The following SORL1 variants were observed in gnomAD, a reference collection of about 807,000 sequenced individuals.
The protein encoded by SORL1 is sortilin related receptor 1.
SORL1 carries 127 observed loss-of-function variants against 273.7 expected under a neutral mutation model. The ratio of observed to expected loss-of-function variants is 0.46; its 90% confidence interval spans 0.40 to 0.54. The LOEUF (loss-of-function observed/expected upper bound fraction) is 0.54. Among genes scored for constraint, SORL1 ranks in the 20% least tolerant of loss-of-function variants. The probability of loss-of-function intolerance (pLI) is 0.00; values close to 1 mark genes in which losing one functional copy is unlikely to be tolerated. For missense variants in SORL1, 2,494 were observed against 2,846.1 expected (o/e 0.88, Z 2.81); for synonymous variants, 1,031 against 1,067.4 (o/e 0.97, Z 0.66).
At chr11:121,498,902 C>T (rs934901068) in intron 6 of SORL1, among the ~76,000 whole-genome samples, 1 of 151,660 alleles carries the variant, frequency 6.6e-6, no homozygotes, top group African/African-American at 2.4e-5. Context: ...TATATTCTAG[C>T]TGGAGCTTTC....
chr11:121,586,448 G>A, intron 27 of SORL1, 119 bp downstream of exon 27: 1 of 788,412 alleles, frequency 1.3e-6, no homozygotes. Context: ...TTTTAACTGA[G>A]TTGATCCCTG....
intron 22 of SORL1, among the ~76,000 whole-genome samples, chr11:121,568,317 T>C (rs1399331910): frequency 6.6e-6 from 1 of 152,218 alleles, no homozygotes; most frequent in African/African-American, 2.4e-5. Context: ...CTTTCTTTCT[T>C]AGAAACAAGA....
At chr11:121,593,868 T>C (rs1273973382) in intron 31 of SORL1, among the ~76,000 whole-genome samples, 1 of 152,198 alleles carries the variant, frequency 6.6e-6, no homozygotes, top group African/African-American at 2.4e-5. Context: ...CCAGTTTTTC[T>C]CTTTTTAGTT....
At position 121,570,277 on chromosome 11, in the gene SORL1, C is replaced by G; in HGVS notation, c.3337+7C>G. The G allele has an allele frequency of 6.3e-7, 1 of 1,599,392 alleles. No individual in the cohort carries two copies. Among genetic ancestry groups the G allele is most frequent in the South Asian group, 1.1e-5 (1 of 90,722 alleles). On this transcript the variant is annotated splice_region_variant and intron_variant, in intron 23 of 47. Coordinates refer to ENST00000260197, the MANE Select transcript of SORL1 (RefSeq NM_003105.6). The stretch of plus-strand genomic sequence containing the variant: ...AGCGATGAGAGAAACTGCCGTGAGT[C>G]TTCTGGATTGGACGTTAAGCACTTA...
Position 121,608,117 on chromosome 11 carries a change from C to G in SORL1, c.5180C>G (p.Thr1727Ser). ...TGATTTGAAAAGGTGGCTGCGGTGA[C>G]TAGTCGTGGAATAGGAAACTGGAGC... ...TLYTVRVAAV[T>S]SRGIGNWSDS... Residue 1727 changes from threonine (T) to serine (S), a missense_variant, in exon 38 of 48, where the codon ACT (threonine) becomes AGT (serine). Coordinates refer to ENST00000260197, the MANE Select transcript of SORL1 (RefSeq NM_003105.6). 1 of 1,613,810 alleles carries G rather than the reference C, an allele frequency of 6.2e-7. No individual in the cohort carries two copies. The highest frequency in any genetic ancestry group is 8.5e-7 in the Non-Finnish European group (1 of 1,179,716).
At chr11:121,586,486 G>C (rs948823621) in intron 27 of SORL1, among the ~76,000 whole-genome samples, 157 bp downstream of exon 27, 50 of 152,170 alleles carry the variant, frequency 3.3e-4, no homozygotes, top group African/African-American at 1.2e-3. Flanking sequence ...CCTGGAGGCT[G>C]ATCGTGGCAG....
intron 11 of SORL1, among the ~76,000 whole-genome samples, chr11:121,531,690 G>C (rs1471136146): frequency 6.6e-6 from 1 of 152,200 alleles, no homozygotes; most frequent in Admixed American, 6.5e-5. Flanking sequence ...CTAAGCCTTT[G>C]TTACACTGGT....
chr11:121,455,502 G>A (rs80184787), intron 1 of SORL1, among the ~76,000 whole-genome samples: 4,542 of 152,330 alleles, frequency 0.03, 198 homozygotes, highest in African/African-American at 0.09. Context: ...CTGAGAAAGA[G>A]CCCTGTGCTG....
intron 45 of SORL1, 138 bp downstream of exon 45, chr11:121,622,406 G>A: frequency 1.7e-6 from 1 of 572,104 alleles, no homozygotes; most frequent in Admixed American, 3.0e-5. Flanking sequence ...ACATGAACTT[G>A]AGAATTAAAG....
Position 121,588,082 on chromosome 11 carries a change from T to A in SORL1, c.3877T>A (p.Ser1293Thr), listed in dbSNP as rs988170990. ...CKNRQQCLFH[S>T]MVCDGIIQCR... is the part of the protein sequence containing the mutation. Reference sequence around the variant, plus strand: ...GAACCGCCAGCAGTGCCTGTTCCACTCCATGGTCTGTGACGGAATCATCCA... The same window carrying A: ...GAACCGCCAGCAGTGCCTGTTCCACACCATGGTCTGTGACGGAATCATCCA... The change falls in exon 28 of 48, where the codon TCC becomes ACC. Residue 1293 changes from serine (S) to threonine (T), a missense_variant. This residue lies in a region of SORL1 where 1,609 missense variants were observed against 1,816.4 expected (regional missense o/e 0.89). Transcript: ENST00000260197. 1.2e-6 allele frequency: 2 copies of A among 1,613,810 alleles called. No individual in the cohort carries two copies. Among genetic ancestry groups the A allele is most frequent in the African/African-American group, 1.3e-5 (1 of 74,892 alleles).
intron 23 of SORL1, 114 bp downstream of exon 23, chr11:121,570,384 C>T: frequency 1.5e-6 from 1 of 647,928 alleles, no homozygotes; most frequent in South Asian, 2.2e-5. Context: ...TTGGTGATGC[C>T]CATCTAAGTT....
chr11:121,458,320 A>G (rs1565298798), intron 1 of SORL1, among the ~76,000 whole-genome samples: 1 of 152,246 alleles, frequency 6.6e-6, no homozygotes, highest in Admixed American at 6.5e-5. Context: ...ACAATAATTC[A>G]GATGCAGATA....
At chr11:121,472,647 A>G (rs1203584866) in intron 2 of SORL1, among the ~76,000 whole-genome samples, 1 of 152,122 alleles carries the variant, frequency 6.6e-6, no homozygotes, top group African/African-American at 2.4e-5. Flanking sequence ...CTCTCTGTAT[A>G]TTTGGGTGTG....
At position 121,590,119 on chromosome 11, in the gene SORL1, G is replaced by T; in HGVS notation, c.4158G>T (p.Trp1386Cys). Residue 1386 changes from tryptophan (W) to cysteine (C), a missense_variant, in exon 30 of 48, where the codon TGG becomes TGT. Trp to Cys is a radical substitution (Grantham distance 215, BLOSUM62 -2). This residue lies in a region of SORL1 where 1,609 missense variants were observed against 1,816.4 expected (regional missense o/e 0.89). Transcript: ENST00000260197. ...ATGGCCACTGCATCCCCAACAGATG[G>T]AAATGTGACAGGGAGAACGACTGTG... The part of the protein sequence containing the change: ...CENGHCIPNR[W>C]KCDRENDCGD... The T allele has an allele frequency of 1.2e-6, 2 of 1,614,206 alleles. No homozygotes were observed. The highest frequency in any genetic ancestry group is 1.7e-6 in the Non-Finnish European group (2 of 1,180,022).
At chr11:121,473,625 T>A (rs1206269635) in intron 2 of SORL1, among the ~76,000 whole-genome samples, 1 of 151,872 alleles carries the variant, frequency 6.6e-6, no homozygotes, top group Non-Finnish European at 1.5e-5. Flanking sequence ...GGGTGAGGAG[T>A]GGCTCATGCC....
At position 121,622,251 on chromosome 11, in the gene SORL1, C is replaced by A; in HGVS notation, c.6154C>A (p.His2052Asn). The change falls in exon 45 of 48, where the codon CAT (histidine) becomes AAT (asparagine). Residue 2052 changes from histidine (H) to asparagine (N), a missense_variant. His to Asn is a moderately conservative substitution (Grantham distance 68, BLOSUM62 1). Around this residue, in one of 3 missense-constraint regions of SORL1, gnomAD observed 1,609 missense variants for 1,816.4 expected, o/e 0.89. Coordinates refer to ENST00000260197, the MANE Select transcript of SORL1 (RefSeq NM_003105.6). ...GAAAAGCCTGGCTTTAAAGGAAAAGCATTTTAATGAAAGCAGGGTAAGTTC... is the reference window on the plus strand; with the variant it reads ...GAAAAGCCTGGCTTTAAAGGAAAAGAATTTTAATGAAAGCAGGGTAAGTTC... Reference protein sequence around the residue: ...FWKSLALKEKHFNESRGYEIH... With the variant: ...FWKSLALKEKNFNESRGYEIH... 2 of 1,602,876 alleles carry A rather than the reference C, an allele frequency of 1.2e-6. No homozygotes were observed. Among genetic ancestry groups the A allele is most frequent in the Non-Finnish European group, 8.5e-7 (1 of 1,170,750 alleles).
chr11:121,547,780 G>A (rs1430022456), intron 14 of SORL1, among the ~76,000 whole-genome samples: 1 of 152,068 alleles, frequency 6.6e-6, no homozygotes, highest in African/African-American at 2.4e-5. Flanking sequence ...TATGGCTCTT[G>A]GAGATGTTTG....
At chr11:121,480,154 C>T (rs527972613) in intron 3 of SORL1, among the ~76,000 whole-genome samples, 4 of 152,258 alleles carry the variant, frequency 2.6e-5, no homozygotes, top group African/African-American at 9.6e-5. Flanking sequence ...GTGTTGTATG[C>T]TTGGAAATGC....
intron 21 of SORL1, among the ~76,000 whole-genome samples, chr11:121,560,372 C>T (rs1174749056): frequency 1.3e-5 from 2 of 152,174 alleles, no homozygotes; most frequent in Admixed American, 6.5e-5. Flanking sequence ...CCTGCTAGTC[C>T]TGGAGTCTGA....
Sources: gnomAD v4.1 joint callset for allele counts (sites outside exome capture counted in the v4.1 genomes callset) on GRCh38, gnomAD v4.1.1 for gene constraint, gnomAD v4.1.1 regional missense constraint, MANE v1.5 for transcripts, NCBI Gene and HGNC (gene_info 2026-07-23, HGNC 2026-07-21) for gene names.